RPN2: variants seen among roughly 807,000 people sequenced by gnomAD.
RPN2 encodes the protein dolichyl-diphosphooligosaccharide--protein glycosyltransferase subunit 2.
A neutral mutation model predicts 71.4 loss-of-function variants in RPN2; 29 were observed. The observed-to-expected ratio is 0.41, with a 90% CI of 0.30 to 0.55. The LOEUF (loss-of-function observed/expected upper bound fraction) is 0.55. Ranked by LOEUF, RPN2 falls within the 20% of genes least tolerant of loss-of-function variation. RPN2 has a pLI of 0.35. For missense variants in RPN2, 726 were observed against 774.1 expected (o/e 0.94, Z 0.74); for synonymous variants, 308 against 305.0 (o/e 1.01, Z -0.10).
rs1290746793 is a variant in RPN2, at chr20:37,223,938, A to C, written c.1153A>C (p.Lys385Gln). 1 of 1,614,154 alleles carries C rather than the reference A, an allele frequency of 6.2e-7. No individual in the cohort carries two copies. Among genetic ancestry groups the C allele is most frequent in the East Asian group, 2.2e-5 (1 of 44,882 alleles). ...ITNVDLSTVDKDQSIAPKTTR... is the reference protein window; with the variant it reads ...ITNVDLSTVDQDQSIAPKTTR... ...AAATGTTGATCTTTCCACCGTGGAT[A>C]AGGATCAGAGCATTGCACCCAAAAC... Residue 385 changes from lysine (K) to glutamine (Q), a missense_variant, in exon 10 of 17, where the codon AAG becomes CAG. Physicochemically the swap from Lys to Gln is moderately conservative, Grantham distance 53 (BLOSUM62 1). Coordinates refer to ENST00000237530, the MANE Select transcript of RPN2 (RefSeq NM_002951.5).
At chr20:37,238,917 CTG>C (rs750735468) in intron 16 of RPN2, 20 of 473,688 alleles carry the variant, frequency 4.2e-5, no homozygotes, top group Non-Finnish European at 7.2e-5. Flanking sequence ...TCTGGGGAGA[CTG>C]TAATTTATGA....
chr20:37,213,837 A>G lies in RPN2; in HGVS notation c.1064A>G (p.Asp355Gly), dbSNP rs2067738489. ...YYDFLVEVEG[D>G]NRYIANTVEL... ...GACTTCCTTGTCGAAGTTGAAGGTGACAACCGGTATATTGCAAATACCGTA... is the reference window on the plus strand; with the variant it reads ...GACTTCCTTGTCGAAGTTGAAGGTGGCAACCGGTATATTGCAAATACCGTA... The change falls in exon 9 of 17, where the codon GAC becomes GGC. Residue 355 changes from aspartate to glycine, a missense_variant. Transcript: ENST00000237530. 2 of 1,613,860 alleles carry G rather than the reference A, an allele frequency of 1.2e-6. No individual in the cohort carries two copies. Among genetic ancestry groups the G allele is most frequent in the South Asian group, 2.2e-5 (2 of 91,086 alleles).
intron 4 of RPN2, among the ~76,000 whole-genome samples, chr20:37,201,313 A>T (rs370751206): frequency 4.0e-5 from 5 of 126,016 alleles, no homozygotes; most frequent in African/African-American, 9.3e-5. Flanking sequence ...ACAGGGTCTC[A>T]CTGTGTCATC....
chr20:37,223,113 G>C (rs550756863), intron 9 of RPN2, among the ~76,000 whole-genome samples: 14 of 152,206 alleles, frequency 9.2e-5, no homozygotes, highest in South Asian at 2.1e-4. Context: ...CCATGTCAGA[G>C]GAAAAGAGAG....
At chr20:37,229,137 T>A (rs2068165005) in intron 12 of RPN2, among the ~76,000 whole-genome samples, 1 of 152,226 alleles carries the variant, frequency 6.6e-6, no homozygotes, top group South Asian at 2.1e-4. Flanking sequence ...TGAATTCTGA[T>A]AACAATTCAG....
At chr20:37,229,907 A>G (rs1007711538) in intron 12 of RPN2, 66 bp from the exon 13 acceptor site, 5 of 1,176,712 alleles carry the variant, frequency 4.2e-6, no homozygotes, top group Non-Finnish European at 6.4e-6. Flanking sequence ...GTCAGAGAAT[A>G]TTATCTATTG....
rs199630624 is a variant in RPN2, at chr20:37,184,175, C to G, written c.14-5C>G. ...GAGTGTACTGAATGGTTGTTTCCCC[C>G]CAAGGTTCAAGCACTGTCTTCCTGT... On this transcript the variant is annotated splice_polypyrimidine_tract_variant and splice_region_variant and intron_variant, in intron 1 of 16. Coordinates refer to ENST00000237530, the MANE Select transcript of RPN2 (RefSeq NM_002951.5). 2.2e-5 allele frequency: 35 copies of G among 1,614,006 alleles called. No homozygotes were observed. Among genetic ancestry groups the G allele is most frequent in the South Asian group, 1.6e-4 (15 of 91,078 alleles).
rs755012885 is a variant in RPN2, at chr20:37,199,165, C to T, written c.419C>T (p.Ala140Val). Residue 140 changes from alanine to valine, a missense_variant, in exon 4 of 17, where the codon GCA becomes GTA. Transcript: ENST00000237530. Reference protein sequence around the residue: ...AALSGFGLPLASQEALSALTA... With the variant: ...AALSGFGLPLVSQEALSALTA... ...CTAAGTGGCTTTGGCCTTCCCTTGG[C>T]ATCCCAAGAAGCACTCAGTGCCCTT... is the stretch of plus-strand genomic sequence containing the variant. 25 of 1,614,104 alleles carry T rather than the reference C, an allele frequency of 1.5e-5. No homozygotes were observed. The Admixed American group carries it at 4.0e-4, about 26-fold the overall frequency.
intron 2 of RPN2, 32 bp downstream of exon 2, chr20:37,184,405 G>A: frequency 6.3e-7 from 1 of 1,584,796 alleles, no homozygotes; most frequent in Non-Finnish European, 8.7e-7. Context: ...TGGTCAGGGT[G>A]GTTCAGGAGA....
chr20:37,204,635 A>G (rs747373277), intron 5 of RPN2, 132 bp from the exon 6 acceptor site: 1 of 991,426 alleles, frequency 1.0e-6, no homozygotes, highest in East Asian at 2.4e-5. Flanking sequence ...GAAAGTATGA[A>G]GTGACTGAGA....
chr20:37,230,819 ATG>A (rs931791687), intron 13 of RPN2, among the ~76,000 whole-genome samples: 3 of 152,138 alleles, frequency 2.0e-5, no homozygotes, highest in Non-Finnish European at 2.9e-5. Context: ...TTATTTAAGA[ATG>A]TAAAATGCAG....
At chr20:37,231,276 C>T (rs192460827) in intron 13 of RPN2, among the ~76,000 whole-genome samples, 1 of 152,076 alleles carries the variant, frequency 6.6e-6, no homozygotes, top group Non-Finnish European at 1.5e-5. Flanking sequence ...AAACGGAGGT[C>T]TCCAGAATCC....
intron 2 of RPN2, among the ~76,000 whole-genome samples, chr20:37,186,405 T>C (rs2067011287): frequency 1.3e-5 from 2 of 152,262 alleles, no homozygotes; most frequent in South Asian, 2.1e-4. Context: ...CATACACTAC[T>C]GCACCTGGCT....
At chr20:37,210,020 A>G (rs1225952413) in intron 7 of RPN2, 27 bp from the exon 8 acceptor site, 1 of 1,611,878 alleles carries the variant, frequency 6.2e-7, no homozygotes, top group Non-Finnish European at 8.5e-7. Context: ...CCTTTGTTGT[A>G]ACAAATAATT....
intron 7 of RPN2, 123 bp downstream of exon 7, chr20:37,207,572 G>A: frequency 1.1e-6 from 1 of 910,702 alleles, no homozygotes; most frequent in East Asian, 2.4e-5. Flanking sequence ...TTAAATGGAG[G>A]GCAAGGCTCA....
chr20:37,228,412 T>TG, intron 11 of RPN2, 138 bp from the exon 12 acceptor site: 2 of 809,582 alleles, frequency 2.5e-6, no homozygotes, highest in Non-Finnish European at 2.1e-6. Context: ...TTCTACTCTC[T>TG]GGGGCAGGTC....
chr20:37,197,561 G>A (rs970152442), intron 2 of RPN2, among the ~76,000 whole-genome samples: 2 of 152,146 alleles, frequency 1.3e-5, no homozygotes, highest in Admixed American at 1.3e-4. Context: ...GCATGAGCTG[G>A]GAAGTCCTGG....
chr20:37,238,492 C>T (rs537658104), intron 16 of RPN2: 4 of 1,380,368 alleles, frequency 2.9e-6, no homozygotes, highest in East Asian at 2.4e-5. Context: ...AGGGTCCCTT[C>T]CCCGTCTTGC....
At position 37,198,497 on chromosome 20, in the gene RPN2, G is replaced by A. The variant is rs1344879411; in HGVS notation, c.303+5G>A. 2 of 1,614,152 alleles carry A rather than the reference G, an allele frequency of 1.2e-6. No homozygotes were observed. Among genetic ancestry groups the A allele is most frequent in the Non-Finnish European group, 1.7e-6 (2 of 1,180,040 alleles). ...CAGGCCCTCTCAGGATGTGAGGTGA[G>A]TCCGGGTTCCTACGCTGACAATGAC... On this transcript the variant is annotated splice_donor_5th_base_variant and intron_variant, in intron 3 of 16. Transcript: ENST00000237530.
Sources: allele counts gnomAD v4.1 joint callset (sites outside exome capture counted in the v4.1 genomes callset), GRCh38; gene constraint gnomAD v4.1.1; transcripts MANE v1.5; gene names NCBI Gene and HGNC (gene_info 2026-07-23, HGNC 2026-07-21).